ZNF704: variants seen among roughly 807,000 people sequenced by gnomAD.
ZNF704 encodes the protein glucocorticoid induced gene 1.
Under a neutral mutation model 44.7 loss-of-function variants are expected in ZNF704, and 10 were observed. The ratio of observed to expected loss-of-function variants is 0.22; its 90% confidence interval spans 0.14 to 0.38. The LOEUF (loss-of-function observed/expected upper bound fraction) is 0.38. ZNF704 is among the 10% of genes least tolerant of loss of function. The pLI is 1.00. For missense variants in ZNF704, 390 were observed against 545.5 expected (o/e 0.71, Z 2.84); for synonymous variants, 211 against 207.6 (o/e 1.02, Z -0.14).
chr8:80,752,631 TC>T (rs1180788763), intron 2 of ZNF704, among the ~76,000 whole-genome samples: 1 of 151,610 alleles, frequency 6.6e-6, no homozygotes, highest in Non-Finnish European at 1.5e-5. Flanking sequence ...AACTTCCACC[TC>T]CCGGGTTCAA....
chr8:80,665,196 T>C (rs1359130544), intron 5 of ZNF704, 114 bp from the exon 6 acceptor site: 1 of 1,152,360 alleles, frequency 8.7e-7, no homozygotes, highest in African/African-American at 1.5e-5. Context: ...CTTGTTTGCC[T>C]TGCAAACTCT....
intron 2 of ZNF704, among the ~76,000 whole-genome samples, chr8:80,760,654 C>CAAAAA (rs1156753093): frequency 1.7e-5 from 1 of 59,886 alleles, no homozygotes; most frequent in Admixed American, 1.9e-4. Context: ...GACTCCATCT[C>CAAAAA]AAAAAAAAAA....
intron 4 of ZNF704, among the ~76,000 whole-genome samples, chr8:80,679,917 G>A (rs1377667124): frequency 6.6e-6 from 1 of 152,174 alleles, no homozygotes; most frequent in Non-Finnish European, 1.5e-5. Context: ...TGGTTGGAGA[G>A]AACTTCCCAG....
At chr8:80,696,965 G>A (rs939123722) in intron 2 of ZNF704, among the ~76,000 whole-genome samples, 1 of 152,176 alleles carries the variant, frequency 6.6e-6, no homozygotes, top group African/African-American at 2.4e-5. Context: ...TTTGGGCTTT[G>A]GAGTGCTTCA....
upstream of ZNF704, among the ~76,000 whole-genome samples, chr8:80,876,552 GTAGT>G (rs1809358643): frequency 6.6e-6 from 1 of 152,200 alleles, no homozygotes; most frequent in Non-Finnish European, 1.5e-5. Flanking sequence ...AAGCTGGCTA[GTAGT>G]TAGGCACATG....
At chr8:80,666,920 G>A (rs2131612265) in intron 5 of ZNF704, among the ~76,000 whole-genome samples, 1 of 151,996 alleles carries the variant, frequency 6.6e-6, no homozygotes, top group Non-Finnish European at 1.5e-5. Flanking sequence ...TAGGTTGCCT[G>A]TTCACTCTGA....
chr8:80,852,388 C>T (rs1808880200), intron 1 of ZNF704, among the ~76,000 whole-genome samples: 1 of 152,180 alleles, frequency 6.6e-6, no homozygotes, highest in Admixed American at 6.5e-5. Flanking sequence ...AAAGAAGTTT[C>T]TACCCCTTTT....
rs895682053 is a variant in ZNF704, at chr8:80,772,798, T to C, written c.221+48576A>G. Among the ~76,000 whole-genome samples, 11 of 152,194 alleles carry C rather than the reference T, an allele frequency of 7.2e-5. No homozygotes were observed. In the East Asian group the frequency reaches 1.9e-3, roughly 27 times the overall value. On this transcript the variant is annotated intron_variant, in intron 2 of 8. Coordinates refer to ENST00000327835, the MANE Select transcript of ZNF704 (RefSeq NM_001033723.3). Reference sequence around the variant, plus strand: ...TTATTTCTTTCCTTTGTTTGCTTTGTGTTTATTTTGCTTTTCTTTTATTGT... The same window carrying C: ...TTATTTCTTTCCTTTGTTTGCTTTGCGTTTATTTTGCTTTTCTTTTATTGT...
At chr8:80,677,286 CA>C (rs1231386560) in intron 4 of ZNF704, among the ~76,000 whole-genome samples, 12 of 152,162 alleles carry the variant, frequency 7.9e-5, no homozygotes, top group African/African-American at 2.9e-4. Context: ...GTACTATTTA[CA>C]AGATTACTGT....
chr8:80,836,190 C>T (rs1470257975), intron 1 of ZNF704, among the ~76,000 whole-genome samples: 5 of 152,134 alleles, frequency 3.3e-5, no homozygotes, highest in Non-Finnish European at 7.3e-5. Context: ...GGATCTGGTC[C>T]GCCTCTATCC....
chr8:80,860,508 G>T (rs570064913), intron 1 of ZNF704, among the ~76,000 whole-genome samples: 2 of 152,216 alleles, frequency 1.3e-5, no homozygotes, highest in African/African-American at 4.8e-5. Context: ...TTGTTTTAGG[G>T]TATTGTTTAC....
At position 80,765,138 on chromosome 8, in the gene ZNF704, G is replaced by C. The variant is rs188780989; in HGVS notation, c.221+56236C>G. 3.9e-5 allele frequency among the ~76,000 whole-genome samples: 6 copies of C among 152,256 alleles called. No homozygotes were observed. In the East Asian group the frequency reaches 7.7e-4, roughly 20 times the overall value. ...TTAAGTCAAAATCCTCAGGCCTTGG[G>C]GGGGCCACTGGTGAAAGCCCTGGGG... On this transcript the variant is annotated intron_variant, in intron 2 of 8. Transcript: ENST00000327835.
rs1392501641 is a variant in ZNF704 at position 80,761,541 on chromosome 8, A to G, written c.221+59833T>C. On this transcript the variant is annotated intron_variant, in intron 2 of 8. Coordinates refer to ENST00000327835, the MANE Select transcript of ZNF704 (RefSeq NM_001033723.3). ...TAAAATCCTGGAAATCACAATCCTG[A>G]GAGATCAAAATCTTGAAAATATAAT... Among the ~76,000 whole-genome samples, 3 of 152,220 alleles carry G rather than the reference A, an allele frequency of 2.0e-5. No homozygotes were observed. In the East Asian group the frequency reaches 5.8e-4, roughly 29 times the overall value.
At chr8:80,771,406 T>C (rs1807317592) in intron 2 of ZNF704, among the ~76,000 whole-genome samples, 1 of 152,172 alleles carries the variant, frequency 6.6e-6, no homozygotes, top group African/African-American at 2.4e-5. Flanking sequence ...AGCATATAAG[T>C]CCTGTACATG....
At chr8:80,724,267 G>A (rs1263323067) in intron 2 of ZNF704, among the ~76,000 whole-genome samples, 2 of 152,190 alleles carry the variant, frequency 1.3e-5, no homozygotes. Context: ...CCTTTAGGGA[G>A]TCAAAGATGG....
chr8:80,781,341 GCTA>G (rs1426745609), intron 2 of ZNF704, among the ~76,000 whole-genome samples: 6 of 152,260 alleles, frequency 3.9e-5, no homozygotes, highest in African/African-American at 9.6e-5. Flanking sequence ...ACTCAATTCT[GCTA>G]CTATTTGCAA....
intron 1 of ZNF704, among the ~76,000 whole-genome samples, chr8:80,838,834 G>A (rs1808628556): frequency 1.3e-5 from 2 of 151,832 alleles, no homozygotes; most frequent in African/African-American, 4.8e-5. Context: ...AGGAGGCAGA[G>A]TGGAGGAGGA....
chr8:80,688,578 G>A (rs370530240), intron 3 of ZNF704, among the ~76,000 whole-genome samples: 47 of 152,184 alleles, frequency 3.1e-4, no homozygotes, highest in African/African-American at 1.1e-3. Context: ...TTTCTTCAGT[G>A]CATGCAGTCC....
intron 2 of ZNF704, among the ~76,000 whole-genome samples, chr8:80,709,509 G>C (rs982810993): frequency 1.2e-4 from 16 of 135,048 alleles, no homozygotes; most frequent in African/African-American, 4.1e-4. Context: ...CTTCCAAGAA[G>C]CAGACACCAA....
Sources: allele counts gnomAD v4.1 joint callset (sites outside exome capture counted in the v4.1 genomes callset), GRCh38; gene constraint gnomAD v4.1.1; transcripts MANE v1.5; gene names NCBI Gene and HGNC (gene_info 2026-07-23, HGNC 2026-07-21).